The following SPNS3 variants were observed in gnomAD, a reference collection of about 807,000 sequenced individuals.
SPNS3 encodes the protein SPNS lysolipid transporter 3, sphingosine-1-phosphate (putative), also known as protein spinster homolog 3.
Under a neutral mutation model 54.4 loss-of-function variants are expected in SPNS3, and 51 were observed. That is an observed-to-expected ratio of 0.94 (90% CI 0.75 to 1.18). The LOEUF (loss-of-function observed/expected upper bound fraction) is 1.18. SPNS3 is among the 50% of genes most tolerant of loss of function. The pLI, the probability that SPNS3 is intolerant of heterozygous loss-of-function variation, is 0.00. For missense variants in SPNS3, 669 were observed against 677.4 expected (o/e 0.99, Z 0.14); for synonymous variants, 309 against 294.7 (o/e 1.05, Z -0.50).
At chr17:4,474,780 G>T (rs1971945115) in intron 8 of SPNS3, among the ~76,000 whole-genome samples, 1 of 152,250 alleles carries the variant, frequency 6.6e-6, no homozygotes, top group Admixed American at 6.5e-5. Flanking sequence ...GTACATGCCA[G>T]GCTGTTTTTC....
In SPNS3 at chr17:4,478,571, G is replaced by C. The variant is rs1972073764; in HGVS notation, c.1114-1G>C. 1 of 1,571,928 alleles carries C rather than the reference G, an allele frequency of 6.4e-7. No individual in the cohort carries two copies. Among genetic ancestry groups the C allele is most frequent in the African/African-American group, 1.3e-5 (1 of 74,428 alleles). On this transcript the variant is annotated splice_acceptor_variant, in intron 8 of 11. Transcript: ENST00000355530. LOFTEE classifies it high-confidence loss of function. ...TCACCCAGGCCACCCTCTGTCCACA[G>C]GTGTTCCTGGGCCTTGGGGAGCTGC...
chr17:4,470,165 A>G (rs1315453903), intron 8 of SPNS3, among the ~76,000 whole-genome samples: 2 of 152,174 alleles, frequency 1.3e-5, no homozygotes, highest in Non-Finnish European at 2.9e-5. Context: ...ACAGTGACTC[A>G]CGCCTGTAAT....
rs147355619 is a variant in SPNS3 at position 4,487,867 on chromosome 17, C to T, written c.1512C>T (p.Gly504=). ...NDLERQGLLS[G]AGASTEEP is the part of the protein sequence containing the mutation. Reference sequence around the variant, plus strand: ...TGGAGAGACAAGGCCTACTTTCGGGCGCTGGCGCCTCTACAGAGGAGCCCT... The same window carrying T: ...TGGAGAGACAAGGCCTACTTTCGGGTGCTGGCGCCTCTACAGAGGAGCCCT... Residue 504 remains glycine (G), a synonymous_variant, in exon 12 of 12, where the codon GGC becomes GGT. Transcript: ENST00000355530. 53 of 1,614,074 alleles carry T rather than the reference C, an allele frequency of 3.3e-5. No homozygotes were observed. Among genetic ancestry groups the T allele is most frequent in the Middle Eastern group, 1.6e-4 (1 of 6,062 alleles).
At chr17:4,462,760 TCCATCCATCCATCC>T (rs1567566695) in intron 8 of SPNS3, among the ~76,000 whole-genome samples, 98 of 69,828 alleles carry the variant, frequency 1.4e-3, no homozygotes, top group African/African-American at 7.0e-3. Context: ...CACCAATCCA[TCCATCCATCCATCC>T]ATCCATCCAT....
Position 4,434,312 on chromosome 17 carries a change from A to C in SPNS3, c.199+146A>C, listed in dbSNP as rs1250517907. Reference sequence around the variant, plus strand: ...GTTCTCACCTCTAGAGGTGGTTTTCAGCTGTGCTCGAATCGGGGAGGACCA... The same window carrying C: ...GTTCTCACCTCTAGAGGTGGTTTTCCGCTGTGCTCGAATCGGGGAGGACCA... On this transcript the variant is annotated intron_variant, in intron 1 of 11. Coordinates refer to ENST00000355530, the MANE Select transcript of SPNS3 (RefSeq NM_182538.5). The C allele has an allele frequency of 5.4e-6, 4 of 737,548 alleles. No individual in the cohort carries two copies. The South Asian group carries it at 6.4e-5, about 12-fold the overall frequency. The allele number at this position is 737,548 out of a possible 1,614,324, so 45.7% of individuals were successfully genotyped here. A position where few individuals can be genotyped will look rare whatever the true frequency, so the allele number is the denominator to read the frequency against.
intron 5 of SPNS3, 150 bp from the exon 6 acceptor site, chr17:4,448,005 C>T (rs2144035795): frequency 3.1e-6 from 2 of 648,210 alleles, no homozygotes; most frequent in East Asian, 6.5e-5. Context: ...CTGTGGATAC[C>T]AGCATCCAGG....
chr17:4,478,465 C>A (rs974180802), intron 8 of SPNS3, 107 bp from the exon 9 acceptor site: 1 of 976,942 alleles, frequency 1.0e-6, no homozygotes. Context: ...CTCAATAATG[C>A]CTTTCTCTGT....
chr17:4,480,767 C>T (rs901599415), intron 9 of SPNS3, among the ~76,000 whole-genome samples: 1 of 152,106 alleles, frequency 6.6e-6, no homozygotes, highest in African/African-American at 2.4e-5. Flanking sequence ...AGGAACCAGC[C>T]CACCTCAGGG....
chr17:4,458,731 C>G (rs1386214355), intron 8 of SPNS3, among the ~76,000 whole-genome samples: 1 of 150,596 alleles, frequency 6.6e-6, no homozygotes, highest in Non-Finnish European at 1.5e-5. Context: ...GTTGCCCAGG[C>G]TGGTCTTGAA....
At chr17:4,458,618 TTTCTTTC>T (rs1567563956) in intron 8 of SPNS3, among the ~76,000 whole-genome samples, 2 of 117,556 alleles carry the variant, frequency 1.7e-5, no homozygotes, top group African/African-American at 3.3e-5. Context: ...TCTTTCTTTC[TTTCTTTC>T]TTTCTTTCTT....
intron 2 of SPNS3, among the ~76,000 whole-genome samples, chr17:4,442,020 G>GTGTGTGTGTGTGTGTGTGTGTGTGT (rs1555528916): frequency 1.3e-5 from 2 of 150,666 alleles, no homozygotes; most frequent in Non-Finnish European, 3.0e-5. Context: ...GTGTGTGTTT[G>GTGTGTGTGTGTGTGTGTGTGTGTGT]GCAGTAGGTG....
chr17:4,467,318 AT>A (rs1360575123), intron 8 of SPNS3, among the ~76,000 whole-genome samples: 2 of 152,042 alleles, frequency 1.3e-5, no homozygotes, highest in African/African-American at 4.8e-5. Context: ...CAAAAAAAAA[AT>A]CACCCCAAAA....
intron 2 of SPNS3, 82 bp downstream of exon 2, chr17:4,439,805 C>T: frequency 2.3e-6 from 3 of 1,316,476 alleles, no homozygotes; most frequent in South Asian, 1.3e-5. Context: ...GTTCTGTGCC[C>T]AGCTCCAGCC....
In SPNS3 at chr17:4,486,605, G is replaced by A. The variant is rs913938086; in HGVS notation, c.1450+22G>A. ...ACAGGTACCCTACCCATTGCACCAGGCCCGGCTCAGGGCCGGCACCCTAGG... is the reference window on the plus strand; with the variant it reads ...ACAGGTACCCTACCCATTGCACCAGACCCGGCTCAGGGCCGGCACCCTAGG... On this transcript the variant is annotated intron_variant, in intron 11 of 11. Coordinates refer to ENST00000355530, the MANE Select transcript of SPNS3 (RefSeq NM_182538.5). This position sits in a 1 kb window ranked among gnomAD's most constrained non-coding sequence, Gnocchi z 5.5. The A allele has an allele frequency of 1.9e-6, 3 of 1,595,426 alleles. No individual in the cohort carries two copies. Among genetic ancestry groups the A allele is most frequent in the Non-Finnish European group, 8.6e-7 (1 of 1,169,170 alleles).
chr17:4,468,857 C>T (rs1381144917), intron 8 of SPNS3, among the ~76,000 whole-genome samples: 1 of 150,434 alleles, frequency 6.6e-6, no homozygotes, highest in Non-Finnish European at 1.5e-5. Flanking sequence ...GGCATGGTCT[C>T]AGCTCACTGC....
chr17:4,452,603 C>G (rs925863616), intron 7 of SPNS3, among the ~76,000 whole-genome samples: 3 of 151,972 alleles, frequency 2.0e-5, no homozygotes, highest in African/African-American at 7.3e-5. Flanking sequence ...CTCCATTCCT[C>G]TTAGTACTGG....
At chr17:4,476,820 A>C (rs908834558) in intron 8 of SPNS3, among the ~76,000 whole-genome samples, 6 of 152,068 alleles carry the variant, frequency 3.9e-5, no homozygotes, top group Non-Finnish European at 8.8e-5. Context: ...AGGCCAGGAG[A>C]GCGCATGGCT....
intron 2 of SPNS3, among the ~76,000 whole-genome samples, chr17:4,443,391 T>G (rs2144012015): frequency 6.6e-6 from 1 of 152,314 alleles, no homozygotes. Flanking sequence ...TTTATAACTT[T>G]TGGATAAAGA....
In SPNS3 at chr17:4,452,562, A is replaced by G. The variant is rs147090982; in HGVS notation, c.924-454A>G. On this transcript the variant is annotated intron_variant, in intron 7 of 11. Transcript: ENST00000355530. ...AGCCCAGACAAGGGCCAGGTGTATC[A>G]CAGGGGCTCAGTAAATACATGTTTG... Among the ~76,000 whole-genome samples the G allele has an allele frequency of 3.4e-3, 519 of 152,220 alleles. 4 individuals carry two copies. The highest frequency in any genetic ancestry group is 0.012 in the African/African-American group (494 of 41,534).
Sources: allele counts gnomAD v4.1 joint callset (sites outside exome capture counted in the v4.1 genomes callset), GRCh38; gene constraint gnomAD v4.1.1; non-coding constraint Gnocchi (gnomAD v3.1); transcripts MANE v1.5; gene names NCBI Gene and HGNC (gene_info 2026-07-23, HGNC 2026-07-21).